Variants in SORL1 observed in about 807,000 individuals in gnomAD.
SORL1 encodes the protein sortilin-related receptor.
Under a neutral mutation model 273.7 loss-of-function variants are expected in SORL1, and 127 were observed. That is an observed-to-expected ratio of 0.46 (90% CI 0.40 to 0.54). The LOEUF is 0.54. SORL1 is among the 20% of genes least tolerant of loss of function. The pLI is 0.00. For missense variants in SORL1, 2,494 were observed against 2,846.1 expected (o/e 0.88, Z 2.81); for synonymous variants, 1,031 against 1,067.4 (o/e 0.97, Z 0.66).
rs764306356 is a variant in SORL1 at position 121,605,439 on chromosome 11, C to T, written c.4816C>T (p.His1606Tyr). Reference protein sequence around the residue: ...GESIWKTLETHSNKTNTVLKV... With the variant: ...GESIWKTLETYSNKTNTVLKV... ...GAGCATATGGAAGACTCTGGAGACC[C>T]ACAGCAATAAGACAAACACTGTATT... The change falls in exon 35 of 48, where the codon CAC becomes TAC. Residue 1606 changes from histidine (H) to tyrosine (Y), a missense_variant. By Grantham distance (83) the His-to-Tyr change is moderately conservative (BLOSUM62 2). Coordinates refer to ENST00000260197, the MANE Select transcript of SORL1 (RefSeq NM_003105.6). 6.2e-7 allele frequency: 1 copy of T among 1,613,774 alleles called. No individual in the cohort carries two copies. The highest frequency in any genetic ancestry group is 1.1e-5 in the South Asian group (1 of 91,066).
intron 12 of SORL1, among the ~76,000 whole-genome samples, chr11:121,535,407 A>G (rs1399075112): frequency 6.6e-6 from 1 of 152,234 alleles, no homozygotes. Context: ...AACATCTACA[A>G]TGAAGCGGAT....
chr11:121,559,914 C>T (rs1322670427), intron 21 of SORL1, among the ~76,000 whole-genome samples: 1 of 152,138 alleles, frequency 6.6e-6, no homozygotes, highest in Non-Finnish European at 1.5e-5. Flanking sequence ...TGCCCTTGGC[C>T]CCTGACTGAT....
intron 12 of SORL1, among the ~76,000 whole-genome samples, chr11:121,536,360 C>T (rs181313699): frequency 6.6e-6 from 1 of 151,826 alleles, no homozygotes; most frequent in African/African-American, 2.4e-5. Flanking sequence ...GCCACCCCTA[C>T]TTTATCCTAA....
At chr11:121,530,137 A>G (rs529134328) in intron 11 of SORL1, among the ~76,000 whole-genome samples, 1 of 152,312 alleles carries the variant, frequency 6.6e-6, no homozygotes, top group South Asian at 2.1e-4. Flanking sequence ...TCACATCAAC[A>G]CACATTACAA....
At chr11:121,613,306 C>A (rs1591353766) in intron 40 of SORL1, among the ~76,000 whole-genome samples, 1 of 152,192 alleles carries the variant, frequency 6.6e-6, no homozygotes, top group African/African-American at 2.4e-5. Flanking sequence ...GTGGTCCAGT[C>A]CCTGTTACGT....
chr11:121,617,372 G>T (rs983664460), intron 41 of SORL1, among the ~76,000 whole-genome samples: 1 of 152,200 alleles, frequency 6.6e-6, no homozygotes, highest in African/African-American at 2.4e-5. Context: ...ATAATGTTAT[G>T]CCAGAGTCAA....
At chr11:121,463,591 A>G (rs545691594) in intron 1 of SORL1, among the ~76,000 whole-genome samples, 1 of 152,364 alleles carries the variant, frequency 6.6e-6, no homozygotes, top group Admixed American at 6.5e-5. Context: ...TGAAGGAGAT[A>G]GTAGTGAATG....
At chr11:121,553,168 G>T (rs754268098) in intron 16 of SORL1, among the ~76,000 whole-genome samples, 5 of 152,220 alleles carry the variant, frequency 3.3e-5, no homozygotes, top group Admixed American at 1.3e-4. Context: ...TCTGCCACTT[G>T]CTAGTTGTGT....
At position 121,553,908 on chromosome 11, in the gene SORL1, A is replaced by G. The variant is rs1415607639; in HGVS notation, c.2267-29A>G. ...ACCTCTTCAGCATCCCCTGGGTCCA[A>G]CCTCCCACGTGTCTTGTGTGTCTGG... On this transcript the variant is annotated intron_variant, in intron 16 of 47. Coordinates refer to ENST00000260197, the MANE Select transcript of SORL1 (RefSeq NM_003105.6). 7 of 1,600,082 alleles carry G rather than the reference A, an allele frequency of 4.4e-6. No individual in the cohort carries two copies. The South Asian group carries it at 4.5e-5, about 10-fold the overall frequency.
At chr11:121,592,260 G>A (rs1484803912) in intron 31 of SORL1, among the ~76,000 whole-genome samples, 1 of 152,172 alleles carries the variant, frequency 6.6e-6, no homozygotes, top group Non-Finnish European at 1.5e-5. Context: ...CAGAAGCATG[G>A]ATTTTATAGC....
intron 32 of SORL1, among the ~76,000 whole-genome samples, chr11:121,598,430 G>C (rs1056275410): frequency 2.6e-5 from 4 of 152,206 alleles, no homozygotes; most frequent in African/African-American, 9.6e-5. Flanking sequence ...AGGATGAGGA[G>C]TCGCAGCTTT....
intron 24 of SORL1, chr11:121,577,027 T>C (rs1358590302): frequency 2.2e-6 from 3 of 1,342,388 alleles, no homozygotes; most frequent in Non-Finnish European, 3.1e-6. Context: ...ACAAGGATGC[T>C]GTTGTCAAGA....
intron 1 of SORL1, among the ~76,000 whole-genome samples, chr11:121,468,077 A>C (rs1256272938): frequency 2.0e-5 from 3 of 152,172 alleles, no homozygotes; most frequent in African/African-American, 4.8e-5. Context: ...ATGACATCTG[A>C]GAGCACCTCA....
intron 39 of SORL1, 148 bp downstream of exon 39, chr11:121,611,306 A>ACTAG: frequency 1.8e-6 from 1 of 564,738 alleles, no homozygotes. Context: ...AAATACCAGG[A>ACTAG]CTAGGGTGGT....
At chr11:121,576,978 A>G (rs1470513329) in intron 24 of SORL1, 4 of 1,488,224 alleles carry the variant, frequency 2.7e-6, no homozygotes, top group African/African-American at 2.8e-5. Context: ...CATAGCAAGC[A>G]TAGAAAATAA....
intron 6 of SORL1, among the ~76,000 whole-genome samples, chr11:121,510,596 C>T (rs907494408): frequency 6.6e-6 from 1 of 152,178 alleles, no homozygotes; most frequent in Non-Finnish European, 1.5e-5. Flanking sequence ...AAATCCAGCA[C>T]GAAACTTCTG....
intron 16 of SORL1, 108 bp from the exon 17 acceptor site, chr11:121,553,829 T>C (rs559003043): frequency 1.0e-5 from 11 of 1,063,362 alleles, no homozygotes; most frequent in Non-Finnish European, 1.4e-5. Flanking sequence ...CCACACCACA[T>C]GCCAATGAAT....
chr11:121,489,911 C>A, intron 4 of SORL1, 132 bp from the exon 5 acceptor site: 1 of 679,608 alleles, frequency 1.5e-6, no homozygotes, highest in Non-Finnish European at 2.7e-6. Context: ...ACTGAGCTGG[C>A]TTTGGCAGTC....
rs533896699 is a variant in SORL1 at position 121,562,265 on chromosome 11, C to T, written c.3049+2608C>T. Among the ~76,000 whole-genome samples, 26 of 152,234 alleles carry T rather than the reference C, an allele frequency of 1.7e-4. 1 individual carries two copies. In the South Asian group the frequency reaches 3.9e-3, roughly 23 times the overall value. On this transcript the variant is annotated intron_variant, in intron 21 of 47. Coordinates refer to ENST00000260197, the MANE Select transcript of SORL1 (RefSeq NM_003105.6). ...TCTCCTTATTTTAAAACAGGTGACT[C>T]CTCTAAGAAAGAATGTGACTCCTGT...
Sources: allele counts gnomAD v4.1 joint callset (sites outside exome capture counted in the v4.1 genomes callset), GRCh38; gene constraint gnomAD v4.1.1; transcripts MANE v1.5; gene names NCBI Gene and HGNC (gene_info 2026-07-23, HGNC 2026-07-21).